SASH1: variants seen among roughly 807,000 people sequenced by gnomAD.
The protein encoded by SASH1 is SAM and SH3 domain-containing protein 1.
A neutral mutation model predicts 125.2 loss-of-function variants in SASH1; 44 were observed. The ratio of observed to expected loss-of-function variants is 0.35; its 90% confidence interval spans 0.28 to 0.45. The LOEUF is 0.45. Among genes scored for constraint, SASH1 ranks in the 20% least tolerant of loss-of-function variants. The probability of loss-of-function intolerance (pLI) is 1.00; values close to 1 mark genes in which losing one functional copy is unlikely to be tolerated. For synonymous variants in SASH1, 639 were observed against 649.1 expected (o/e 0.98, Z 0.24); for missense variants, 1,426 against 1,614.5 (o/e 0.88, Z 2.00).
intron 16 of SASH1, among the ~76,000 whole-genome samples, chr6:148,536,443 A>C (rs1781852317): frequency 6.6e-6 from 1 of 152,078 alleles, no homozygotes; most frequent in African/African-American, 2.4e-5. Flanking sequence ...GGGTTCAAGC[A>C]ATTCTCCTGC....
chr6:148,524,122 T>TATATATATATATATATA (rs1491367203), intron 10 of SASH1, among the ~76,000 whole-genome samples: 1 of 92,994 alleles, frequency 1.1e-5, no homozygotes, highest in Non-Finnish European at 2.3e-5. Context: ...TATATATATA[T>TATATATATATATATATA]TTTTTTTAAT....
chr6:148,299,995 G>C (rs531783239), intron 1 of SASH1, among the ~76,000 whole-genome samples: 8 of 152,240 alleles, frequency 5.3e-5, no homozygotes, highest in African/African-American at 1.9e-4. Context: ...TGATGCATGG[G>C]TATCAGTTTG....
chr6:148,245,937 C>T, the SASH1 span, among the ~76,000 whole-genome samples: 2 of 151,108 alleles, frequency 1.3e-5, no homozygotes, highest in Non-Finnish European at 2.9e-5. Context: ...GAGCCCAGAT[C>T]GCACCACTGT....
chr6:148,331,973 C>A (rs116443555), intron 1 of SASH1, among the ~76,000 whole-genome samples: 1 of 152,184 alleles, frequency 6.6e-6, no homozygotes, highest in Non-Finnish European at 1.5e-5. Flanking sequence ...TGTGTTCCCC[C>A]CTGCCCTACC....
the SASH1 span, among the ~76,000 whole-genome samples, chr6:148,258,064 T>A: frequency 6.6e-6 from 1 of 152,246 alleles, no homozygotes; most frequent in East Asian, 1.9e-4. Context: ...GATGAGTAAA[T>A]GAATAGATGA....
intron 2 of SASH1, among the ~76,000 whole-genome samples, chr6:148,429,996 C>T (rs1020198419): frequency 4.6e-5 from 7 of 152,092 alleles, no homozygotes; most frequent in Non-Finnish European, 8.8e-5. Flanking sequence ...GAGTCGCTAC[C>T]CATAGGTACA....
chr6:148,421,217 A>G (rs182977784), intron 2 of SASH1, among the ~76,000 whole-genome samples: 78 of 146,794 alleles, frequency 5.3e-4, no homozygotes, highest in East Asian at 1.0e-3. Context: ...AAGAAAGAAA[A>G]AGAAAGAAAG....
chr6:148,276,262 C>T (rs1779180139), intron 1 of SASH1, among the ~76,000 whole-genome samples: 1 of 152,120 alleles, frequency 6.6e-6, no homozygotes, highest in East Asian at 1.9e-4. Flanking sequence ...GTGCTTAAGC[C>T]ATACAAAGTG....
At chr6:148,309,467 C>T (rs1010998410) in intron 1 of SASH1, among the ~76,000 whole-genome samples, 41 of 152,240 alleles carry the variant, frequency 2.7e-4, no homozygotes, top group African/African-American at 9.4e-4. Flanking sequence ...ATATTTCCCA[C>T]CTCCACCCAT....
intron 4 of SASH1, among the ~76,000 whole-genome samples, chr6:148,441,976 A>G (rs1776566457): frequency 1.3e-5 from 2 of 152,210 alleles, no homozygotes; most frequent in Admixed American, 1.3e-4. Flanking sequence ...AGTGGTTCAA[A>G]CTTAATGTGT....
intron 1 of SASH1, among the ~76,000 whole-genome samples, chr6:148,372,248 CT>C (rs2114751229): frequency 6.6e-6 from 1 of 152,278 alleles, no homozygotes; most frequent in African/African-American, 2.4e-5. Flanking sequence ...AATAATTTTC[CT>C]TTGGTAGTGG....
Position 148,532,496 on chromosome 6 carries a change from A to ATGTT in SASH1, c.1565-300_1565-297dup, listed in dbSNP as rs1184996398. 6.6e-6 allele frequency among the ~76,000 whole-genome samples: 1 copy of ATGTT among 152,166 alleles called. No individual in the cohort carries two copies. Among genetic ancestry groups the ATGTT allele is most frequent in the Non-Finnish European group, 1.5e-5 (1 of 68,024 alleles). ...GTGCATTACCACTGAGAGGTCACGAATGTTAAGAGCAGAGTCTGGTGCCTG... is the reference window on the plus strand; with the variant it reads ...GTGCATTACCACTGAGAGGTCACGAATGTTTGTTAAGAGCAGAGTCTGGTGCCTG... On this transcript the variant is annotated intron_variant, in intron 13 of 19. Transcript: ENST00000367467. The surrounding 1 kb of genome is among the most constrained non-coding windows in gnomAD (Gnocchi z 4.7).
At chr6:148,539,582 A>C (rs1782093217) in intron 16 of SASH1, among the ~76,000 whole-genome samples, 1 of 151,974 alleles carries the variant, frequency 6.6e-6, no homozygotes, top group African/African-American at 2.4e-5. Context: ...TAGGTACTGC[A>C]TTTTCTTTAT....
intron 16 of SASH1, among the ~76,000 whole-genome samples, chr6:148,535,793 A>T (rs1441098327): frequency 6.6e-6 from 1 of 152,182 alleles, no homozygotes; most frequent in East Asian, 1.9e-4. Context: ...GAATTCAAAC[A>T]CGTTTTCCTT....
the SASH1 span, among the ~76,000 whole-genome samples, chr6:148,259,555 C>T: frequency 3.9e-5 from 6 of 152,312 alleles, 1 homozygote; most frequent in South Asian, 1.2e-3. Flanking sequence ...GTGCTTGTGT[C>T]GCTGCCTGTC....
intron 16 of SASH1, among the ~76,000 whole-genome samples, chr6:148,539,265 T>C (rs1428521954): frequency 6.6e-6 from 1 of 152,136 alleles, no homozygotes; most frequent in Non-Finnish European, 1.5e-5. Context: ...GGATGAATTA[T>C]ATAGTGGTGA....
At chr6:148,200,505 C>T in the SASH1 span, among the ~76,000 whole-genome samples, 1 of 152,192 alleles carries the variant, frequency 6.6e-6, no homozygotes, top group Non-Finnish European at 1.5e-5. Context: ...CAGTGTGATT[C>T]TGGATGCAAT....
chr6:148,542,751 A>G (rs1200413137), intron 17 of SASH1, among the ~76,000 whole-genome samples: 2 of 152,244 alleles, frequency 1.3e-5, no homozygotes. Context: ...AATATCCTAC[A>G]AATGCATAGC....
At chr6:148,386,600 C>A (rs1002749820) in intron 1 of SASH1, among the ~76,000 whole-genome samples, 2 of 152,198 alleles carry the variant, frequency 1.3e-5, no homozygotes, top group East Asian at 3.9e-4. Context: ...CATGGACTTT[C>A]TATTTGGTCA....
Sources: allele counts gnomAD v4.1 joint callset (sites outside exome capture counted in the v4.1 genomes callset), GRCh38; gene constraint gnomAD v4.1.1; non-coding constraint Gnocchi (gnomAD v3.1); transcripts MANE v1.5; gene names NCBI Gene and HGNC (gene_info 2026-07-23, HGNC 2026-07-21).